GRIN3A: variants seen among roughly 807,000 people sequenced by gnomAD.
The protein encoded by GRIN3A is glutamate ionotropic receptor NMDA type subunit 3A.
GRIN3A carries 47 observed loss-of-function variants against 92.4 expected under a neutral mutation model. The ratio of observed to expected loss-of-function variants is 0.51; its 90% CI spans 0.40 to 0.65. The LOEUF is 0.65. Among genes scored for constraint, GRIN3A ranks in the 30% least tolerant of loss-of-function variants. GRIN3A has a pLI of 0.00. For missense variants in GRIN3A, 1,324 were observed against 1,393.1 expected, an observed-to-expected ratio of 0.95 and a Z score of 0.79; for synonymous variants, 527 against 540.6, an observed-to-expected ratio of 0.97 and a Z score of 0.35.
chr9:101,732,713 T>G (rs908984692), intron 1 of GRIN3A, among the ~76,000 whole-genome samples: 2 of 152,210 alleles, frequency 1.3e-5, no homozygotes, highest in African/African-American at 4.8e-5. Flanking sequence ...ACTTTAACAC[T>G]TAAGTGATTC....
intron 3 of GRIN3A, among the ~76,000 whole-genome samples, chr9:101,644,716 C>A (rs962727078): frequency 2.0e-5 from 3 of 151,876 alleles, no homozygotes; most frequent in African/African-American, 7.2e-5. Context: ...AATGTATTAT[C>A]TCTTTTTCCT....
At chr9:101,663,062 C>T (rs1290817388) in intron 3 of GRIN3A, among the ~76,000 whole-genome samples, 1 of 150,098 alleles carries the variant, frequency 6.7e-6, no homozygotes, top group Non-Finnish European at 1.5e-5. Flanking sequence ...CCTGGCTTTC[C>T]AATGTCATAG....
intron 3 of GRIN3A, among the ~76,000 whole-genome samples, chr9:101,637,247 C>T (rs1276684561): frequency 6.6e-6 from 1 of 152,158 alleles, no homozygotes. Context: ...CGCCCTCCAC[C>T]ACGCCCAGCT....
rs536150009 is a variant in GRIN3A at position 101,727,194 on chromosome 9, C to A, written c.699+10087G>T. Among the ~76,000 whole-genome samples, 359 of 152,158 alleles carry A rather than the reference C, an allele frequency of 2.4e-3. 1 individual carries two copies. Among genetic ancestry groups the A allele is most frequent in the Non-Finnish European group, 4.0e-3 (269 of 67,988 alleles). On this transcript the variant is annotated intron_variant, in intron 1 of 8. Coordinates refer to ENST00000361820, the MANE Select transcript of GRIN3A (RefSeq NM_133445.3). ...TAGGTAAACAAACCAAGAAATAACC[C>A]ATTCAAAGGCAAACTATCTAGCCAT...
At chr9:101,692,984 A>G (rs984922405) in intron 1 of GRIN3A, among the ~76,000 whole-genome samples, 9 of 152,122 alleles carry the variant, frequency 5.9e-5, no homozygotes, top group African/African-American at 2.4e-5. Flanking sequence ...TGCCTTATGC[A>G]TATTATTTTA....
chr9:101,668,800 T>A (rs536836241), intron 3 of GRIN3A, among the ~76,000 whole-genome samples: 1 of 152,200 alleles, frequency 6.6e-6, no homozygotes, highest in South Asian at 2.1e-4. Context: ...AGAACTTACA[T>A]CCAACTGAAA....
chr9:101,583,798 T>C (rs1827918646), intron 6 of GRIN3A, among the ~76,000 whole-genome samples: 1 of 152,176 alleles, frequency 6.6e-6, no homozygotes, highest in African/African-American at 2.4e-5. Context: ...TGCTAGCTCA[T>C]AGCCACACAC....
intron 2 of GRIN3A, among the ~76,000 whole-genome samples, chr9:101,678,943 C>T (rs1374585654): frequency 6.6e-6 from 1 of 152,112 alleles, no homozygotes; most frequent in Non-Finnish European, 1.5e-5. Flanking sequence ...TGGTATGAAC[C>T]TTGACTCTTC....
chr9:101,655,092 G>T (rs1829067925), intron 3 of GRIN3A, among the ~76,000 whole-genome samples: 1 of 151,858 alleles, frequency 6.6e-6, no homozygotes, highest in Non-Finnish European at 1.5e-5. Flanking sequence ...TGCTATAGAG[G>T]ACAGGTTAAT....
At chr9:101,718,209 G>A (rs939006035) in intron 1 of GRIN3A, among the ~76,000 whole-genome samples, 4 of 152,216 alleles carry the variant, frequency 2.6e-5, no homozygotes, top group Admixed American at 1.3e-4. Context: ...TCTAGTGAGA[G>A]AGGAGGAGAG....
At chr9:101,654,401 CTA>C (rs879652422) in intron 3 of GRIN3A, among the ~76,000 whole-genome samples, 15 of 151,260 alleles carry the variant, frequency 9.9e-5, no homozygotes, top group African/African-American at 2.2e-4. Context: ...TACAAATACT[CTA>C]TGTTATATAC....
Position 101,572,931 on chromosome 9 carries a change from C to A in GRIN3A, c.*243G>T. 1 of 528,110 alleles carries A rather than the reference C, an allele frequency of 1.9e-6. No homozygotes were observed. The highest frequency in any genetic ancestry group is 2.1e-5 in the South Asian group (1 of 46,840). 32.7% of individuals were successfully genotyped at this position (528,110 alleles called of 1,614,324 possible). A position where few individuals can be genotyped will look rare whatever the true frequency, so the allele number is the denominator to read the frequency against. ...GTTATCTGGTTATTCACAGATCTCTCGCACAGAGCTTACTCCTGACTAAGA... is the reference window on the plus strand; with the variant it reads ...GTTATCTGGTTATTCACAGATCTCTAGCACAGAGCTTACTCCTGACTAAGA... On this transcript the variant is annotated 3_prime_UTR_variant, in exon 9 of 9. Transcript: ENST00000361820.
intron 2 of GRIN3A, among the ~76,000 whole-genome samples, chr9:101,684,509 C>G (rs1829506183): frequency 6.6e-6 from 1 of 152,062 alleles, no homozygotes; most frequent in Admixed American, 6.6e-5. Context: ...AATTTATATT[C>G]TAGCTCAGAA....
At chr9:101,716,733 A>G (rs1005373574) in intron 1 of GRIN3A, among the ~76,000 whole-genome samples, 10 of 152,196 alleles carry the variant, frequency 6.6e-5, no homozygotes, top group African/African-American at 1.9e-4. Context: ...TCTGCTTTAC[A>G]AATCCCTTGA....
chr9:101,634,170 A>G (rs1020582616), intron 3 of GRIN3A, among the ~76,000 whole-genome samples: 11 of 152,014 alleles, frequency 7.2e-5, no homozygotes, highest in African/African-American at 2.7e-4. Context: ...TGTCTCTACT[A>G]AAAATACAAA....
At chr9:101,716,963 G>T (rs1588295791) in intron 1 of GRIN3A, among the ~76,000 whole-genome samples, 1 of 152,238 alleles carries the variant, frequency 6.6e-6, no homozygotes, top group Admixed American at 6.5e-5. Context: ...CTGTAGAAAG[G>T]CCAGGCACTC....
chr9:101,608,140 A>G (rs1828310813), intron 6 of GRIN3A, among the ~76,000 whole-genome samples: 1 of 152,198 alleles, frequency 6.6e-6, no homozygotes, highest in South Asian at 2.1e-4. Flanking sequence ...CATCCCTGAG[A>G]AAGAAGAGCT....
intron 3 of GRIN3A, among the ~76,000 whole-genome samples, chr9:101,654,915 G>A (rs1829065114): frequency 6.6e-6 from 1 of 151,764 alleles, no homozygotes; most frequent in South Asian, 2.1e-4. Context: ...TGTATTCCTA[G>A]CCTTTATCTT....
At chr9:101,662,105 G>T (rs963476155) in intron 3 of GRIN3A, among the ~76,000 whole-genome samples, 1 of 151,764 alleles carries the variant, frequency 6.6e-6, no homozygotes, top group African/African-American at 2.4e-5. Flanking sequence ...AACATACAAG[G>T]TAGCAAAAAT....
Sources: allele counts gnomAD v4.1 joint callset (sites outside exome capture counted in the v4.1 genomes callset), GRCh38; gene constraint gnomAD v4.1.1; transcripts MANE v1.5; gene names NCBI Gene and HGNC (gene_info 2026-07-23, HGNC 2026-07-21).